NTRK3: variants seen among roughly 807,000 people sequenced by gnomAD.
NTRK3 encodes the protein NT-3 growth factor receptor.
In NTRK3, 24 loss-of-function variants were observed where a neutral mutation model predicts 91.7. That is an observed-to-expected ratio of 0.26 (90% CI 0.19 to 0.37). The LOEUF is 0.37. Among genes scored for constraint, NTRK3 ranks in the 10% least tolerant of loss-of-function variants. The probability of loss-of-function intolerance (pLI) is 1.00; values close to 1 mark genes in which losing one functional copy is unlikely to be tolerated. For missense variants in NTRK3, 880 were observed against 1,068.9 expected (o/e 0.82, Z 2.46); for synonymous variants, 483 against 404.0 (o/e 1.20, Z -2.34).
intron 13 of NTRK3, among the ~76,000 whole-genome samples, chr15:88,094,134 G>A (rs2049317947): frequency 6.6e-6 from 1 of 152,104 alleles, no homozygotes; most frequent in South Asian, 2.1e-4. Flanking sequence ...TCTTGCTGCA[G>A]CCTTTGGAAG....
chr15:87,881,275 T>C (rs190173860), intron 17 of NTRK3, among the ~76,000 whole-genome samples: 1 of 152,210 alleles, frequency 6.6e-6, no homozygotes, highest in Admixed American at 6.5e-5. Context: ...CATTAGTAAA[T>C]AGATTTTCAG....
intron 14 of NTRK3, among the ~76,000 whole-genome samples, chr15:87,950,791 C>T (rs1468526213): frequency 1.3e-5 from 2 of 152,210 alleles, no homozygotes; most frequent in African/African-American, 4.8e-5. Flanking sequence ...TTCCTCTCAC[C>T]TGCTCTCTGC....
At chr15:88,144,495 G>C (rs1409806445) in intron 6 of NTRK3, among the ~76,000 whole-genome samples, 4 of 152,144 alleles carry the variant, frequency 2.6e-5, no homozygotes, top group Admixed American at 2.0e-4. Context: ...CCGACATCTT[G>C]AGAGGGGCTT....
intron 14 of NTRK3, among the ~76,000 whole-genome samples, chr15:88,021,587 CTT>C (rs201183733): frequency 1.1e-3 from 158 of 149,650 alleles, no homozygotes; most frequent in South Asian, 4.0e-3. Flanking sequence ...TACCATGAAA[CTT>C]TTTTTTTTTA....
chr15:88,096,160 G>A (rs2049572874), intron 13 of NTRK3, among the ~76,000 whole-genome samples: 1 of 152,112 alleles, frequency 6.6e-6, no homozygotes, highest in South Asian at 2.1e-4. Flanking sequence ...TAATCATGCT[G>A]TTCTCCGAGA....
intron 15 of NTRK3, among the ~76,000 whole-genome samples, chr15:87,937,974 A>G (rs2069460972): frequency 6.6e-6 from 1 of 152,150 alleles, no homozygotes; most frequent in Non-Finnish European, 1.5e-5. Flanking sequence ...AGACGAAAAA[A>G]AAAAAGGAAA....
At chr15:87,868,326 CT>C in exon 19 of NTRK3, 1 of 227,424 alleles carries the variant, frequency 4.4e-6, no homozygotes, top group East Asian at 6.3e-5. Flanking sequence ...TGATTTTTAC[CT>C]TTTTCAGCCC....
chr15:87,974,720 C>G (rs2073567273), intron 14 of NTRK3, among the ~76,000 whole-genome samples: 1 of 152,130 alleles, frequency 6.6e-6, no homozygotes, highest in African/African-American at 2.4e-5. Flanking sequence ...CTTTCATACA[C>G]CCCCAAGTCA....
chr15:88,048,989 C>T (rs148124735), intron 13 of NTRK3, among the ~76,000 whole-genome samples: 20 of 152,264 alleles, frequency 1.3e-4, no homozygotes, highest in East Asian at 7.7e-4. Context: ...ACAACACTGA[C>T]GAAATGAAAT....
chr15:88,159,691 C>G (rs752621094), intron 5 of NTRK3, among the ~76,000 whole-genome samples: 3 of 152,050 alleles, frequency 2.0e-5, no homozygotes, highest in Non-Finnish European at 4.4e-5. Flanking sequence ...GTCAGGGAGC[C>G]GAGGGATGCC....
rs78178317 is a variant in NTRK3 at position 88,240,874 on chromosome 15, C to T, written c.248+15032G>A. 5.1e-4 allele frequency among the ~76,000 whole-genome samples: 77 copies of T among 152,324 alleles called. 1 individual carries two copies. In the East Asian group the frequency reaches 0.015, roughly 29 times the overall value. On this transcript the variant is annotated intron_variant, in intron 3 of 18. Transcript: ENST00000394480. The surrounding 1 kb of genome is among the most constrained non-coding windows in gnomAD (Gnocchi z 4.9). The stretch of plus-strand genomic sequence containing the variant: ...GGGCTGCCCTGCTAAGGGCAAAGCC[C>T]GAGGCCCACAAAGGTGTGGAGAGCA...
intron 9 of NTRK3, 38 bp from the exon 10 acceptor site, chr15:88,135,435 A>C: frequency 6.2e-7 from 1 of 1,605,596 alleles, no homozygotes; most frequent in Non-Finnish European, 8.5e-7. Flanking sequence ...CAGGACACAG[A>C]GTCTACCACC....
At chr15:87,949,920 T>A (rs1596366467) in intron 14 of NTRK3, among the ~76,000 whole-genome samples, 1 of 152,186 alleles carries the variant, frequency 6.6e-6, no homozygotes, top group Non-Finnish European at 1.5e-5. Context: ...CTCTGACAAC[T>A]TGCTGGGCCC....
At chr15:88,062,876 T>G (rs999509670) in intron 13 of NTRK3, among the ~76,000 whole-genome samples, 8 of 152,248 alleles carry the variant, frequency 5.3e-5, no homozygotes, top group African/African-American at 7.2e-5. Context: ...CTCTATCAGC[T>G]TCCCCTGTGC....
At chr15:87,900,526 A>G (rs2066386547) in intron 17 of NTRK3, among the ~76,000 whole-genome samples, 1 of 152,186 alleles carries the variant, frequency 6.6e-6, no homozygotes, top group Non-Finnish European at 1.5e-5. Context: ...TCATACTTGG[A>G]ATAATGACAT....
intron 13 of NTRK3, among the ~76,000 whole-genome samples, chr15:88,117,128 T>C (rs1417443453): frequency 6.6e-6 from 1 of 152,208 alleles, no homozygotes; most frequent in African/African-American, 2.4e-5. Context: ...TTTGGGAAGT[T>C]ATATAATCTT....
At chr15:88,144,308 T>C (rs1211049326) in intron 6 of NTRK3, 2 of 152,140 alleles carry the variant, frequency 1.3e-5, no homozygotes, top group East Asian at 1.9e-4. Flanking sequence ...ATTCACTCAA[T>C]AAGAGGTACG....
chr15:88,048,593 G>T (rs543315589), intron 13 of NTRK3, among the ~76,000 whole-genome samples: 1 of 152,224 alleles, frequency 6.6e-6, no homozygotes, highest in Non-Finnish European at 1.5e-5. Context: ...TCTTAACAAA[G>T]GGTTCCAACA....
At chr15:88,213,445 C>T (rs2049438430) in intron 3 of NTRK3, among the ~76,000 whole-genome samples, 1 of 152,222 alleles carries the variant, frequency 6.6e-6, no homozygotes, top group South Asian at 2.1e-4. Flanking sequence ...ACTTGAGATG[C>T]TGTGAGGGTG....
Sources: allele counts gnomAD v4.1 joint callset (sites outside exome capture counted in the v4.1 genomes callset), GRCh38; gene constraint gnomAD v4.1.1; non-coding constraint Gnocchi (gnomAD v3.1); transcripts MANE v1.5; gene names NCBI Gene and HGNC (gene_info 2026-07-23, HGNC 2026-07-21).